The following CHIC1 variants were observed in gnomAD, a reference collection of about 807,000 sequenced individuals.
CHIC1 encodes the protein cysteine-rich hydrophobic domain-containing protein 1.
CHIC1 carries 7 observed loss-of-function variants against 18.5 expected under a neutral mutation model. The ratio of observed to expected loss-of-function variants is 0.38; its 90% confidence interval spans 0.22 to 0.71. The LOEUF (loss-of-function observed/expected upper bound fraction) is 0.71. Among genes scored for constraint, CHIC1 ranks in the 30% least tolerant of loss-of-function variants. CHIC1 has a pLI of 0.49. For missense variants in CHIC1, 159 were observed against 176.9 expected, an observed-to-expected ratio of 0.90 and a Z score of 0.57; for synonymous variants, 77 against 73.5, an observed-to-expected ratio of 1.05 and a Z score of -0.25.
intron 3 of CHIC1, among the ~76,000 whole-genome samples, chrX:73,659,738 T>C (rs748323799): frequency 2.7e-5 from 3 of 111,501 alleles, no homozygotes; most frequent in Non-Finnish European, 3.8e-5. Flanking sequence ...ATCAGTGTGA[T>C]TATGAAAAAA....
At chrX:73,575,040 C>T (rs745586450) in intron 1 of CHIC1, among the ~76,000 whole-genome samples, 3 of 109,622 alleles carry the variant, frequency 2.7e-5, no homozygotes, top group South Asian at 3.8e-4. Context: ...CAACCAAGTG[C>T]GATAAATCAG....
intron 3 of CHIC1, among the ~76,000 whole-genome samples, chrX:73,599,188 T>G (rs1167742607): frequency 9.0e-6 from 1 of 110,908 alleles, no homozygotes; most frequent in African/African-American, 3.3e-5. Context: ...TGTTTGTTTT[T>G]TTCTTGTAAA....
chrX:73,658,337 G>A (rs1325164035), intron 3 of CHIC1, among the ~76,000 whole-genome samples: 1 of 89,512 alleles, frequency 1.1e-5, no homozygotes, highest in Non-Finnish European at 2.1e-5. Flanking sequence ...GTCTATTCAG[G>A]GATTCACTTT....
At chrX:73,661,282 C>T (rs1270081037) in intron 3 of CHIC1, among the ~76,000 whole-genome samples, 1 of 112,378 alleles carries the variant, frequency 8.9e-6, no homozygotes, top group Non-Finnish European at 1.9e-5. Flanking sequence ...TCAACAGATA[C>T]ATGAACATAT....
chrX:73,597,031 A>G (rs952662120), intron 3 of CHIC1, among the ~76,000 whole-genome samples: 1 of 112,093 alleles, frequency 8.9e-6, no homozygotes, highest in African/African-American at 3.2e-5. Context: ...GAAAAATGGG[A>G]TGTAACTAAA....
At chrX:73,579,923 A>G (rs2057518717) in intron 2 of CHIC1, among the ~76,000 whole-genome samples, 1 of 110,842 alleles carries the variant, frequency 9.0e-6, no homozygotes, top group African/African-American at 3.3e-5. Context: ...TAAGAACTTC[A>G]GTAAAAAACT....
chrX:73,608,224 A>T, intron 3 of CHIC1, among the ~76,000 whole-genome samples: 1 of 108,867 alleles, frequency 9.2e-6, no homozygotes, highest in East Asian at 2.8e-4. Context: ...TTGAGACTTT[A>T]CTTCTAGGCT....
chrX:73,677,912 A>C (rs2058076948), intron 3 of CHIC1, among the ~76,000 whole-genome samples: 2 of 110,753 alleles, frequency 1.8e-5, no homozygotes, highest in African/African-American at 6.6e-5. Context: ...ATCATTTTTA[A>C]TGCCTTTTTC....
chrX:73,620,542 G>C (rs1174044578), intron 3 of CHIC1, among the ~76,000 whole-genome samples: 1 of 111,584 alleles, frequency 9.0e-6, no homozygotes, highest in Non-Finnish European at 1.9e-5. Flanking sequence ...CCCACTTTTT[G>C]GTGGGGTTGT....
At position 73,658,248 on chromosome X, in the gene CHIC1, G is replaced by GTTTTTT. The variant is rs869309622; in HGVS notation, c.508-21052_508-21047dup. ...ATTCAGCTGTGAATCCTGGTCCTAGGTTTTTTTTTTTTTTTTTTTTTTTTT... is the reference window on the plus strand; with the variant it reads ...ATTCAGCTGTGAATCCTGGTCCTAGGTTTTTTTTTTTTTTTTTTTTTTTTTTTTTTT... On this transcript the variant is annotated intron_variant, in intron 3 of 5. Transcript: ENST00000373502. Among the ~76,000 whole-genome samples, 124 of 16,715 alleles carry GTTTTTT rather than the reference G, an allele frequency of 7.4e-3. 23 individuals are homozygous for GTTTTTT. Among genetic ancestry groups the GTTTTTT allele is most frequent in the Non-Finnish European group, 9.7e-3 (99 of 10,257 alleles). The allele number at this position is 16,715 out of a possible 115,157, so 14.5% of individuals were successfully genotyped here.
intron 3 of CHIC1, among the ~76,000 whole-genome samples, chrX:73,597,945 T>C (rs1277197882): frequency 1.8e-5 from 2 of 111,572 alleles, no homozygotes; most frequent in Non-Finnish European, 3.8e-5. Context: ...GCAAAGAACA[T>C]GAACTCATTC....
chrX:73,622,098 C>G (rs1377178997), intron 3 of CHIC1, among the ~76,000 whole-genome samples: 1 of 111,830 alleles, frequency 8.9e-6, no homozygotes, highest in African/African-American at 3.3e-5. Flanking sequence ...TTTGGTTTGC[C>G]AGTATTTTAT....
In CHIC1 at chrX:73,655,647, GTGTATATA is replaced by G. The variant is rs1212863627; in HGVS notation, c.508-23677_508-23670del. Reference sequence around the variant, plus strand: ...ATATATATATAGTGTGTGTGTGTGTGTGTATATATATATATATATATATACACACACCA... The same window carrying G: ...ATATATATATAGTGTGTGTGTGTGTGTATATATATATATATACACACACCA... On this transcript the variant is annotated intron_variant, in intron 3 of 5. Coordinates refer to ENST00000373502, the MANE Select transcript of CHIC1 (RefSeq NM_001039840.4). 0.018 allele frequency among the ~76,000 whole-genome samples: 607 copies of G among 34,501 alleles called. 24 individuals carry two copies. In the East Asian group the frequency reaches 0.26, roughly 15 times the overall value. The allele number at this position is 34,501 out of a possible 115,157, so 30.0% of individuals were successfully genotyped here.
intron 3 of CHIC1, among the ~76,000 whole-genome samples, chrX:73,597,050 C>T (rs1226229112): frequency 8.9e-6 from 1 of 111,734 alleles, no homozygotes; most frequent in Non-Finnish European, 1.9e-5. Context: ...AACTAAAGAG[C>T]TTCTGTACAC....
intron 3 of CHIC1, among the ~76,000 whole-genome samples, chrX:73,633,717 ACTCATT>A (rs1027337518): frequency 9.1e-6 from 1 of 109,684 alleles, no homozygotes; most frequent in Admixed American, 9.7e-5. Context: ...GGCTTTCTTT[ACTCATT>A]CTCATTTTTT....
At chrX:73,670,978 C>A (rs2058027224) in intron 3 of CHIC1, among the ~76,000 whole-genome samples, 1 of 111,722 alleles carries the variant, frequency 9.0e-6, no homozygotes. Context: ...GAATGTGTAT[C>A]CTGCAATTGT....
chrX:73,578,063 T>C lies in CHIC1; in HGVS notation c.351+602T>C, dbSNP rs987021999. ...GATTACTATAATTGATAATATTGTA[T>C]TATATACTGGAAATTTGCTGAGAGT... On this transcript the variant is annotated intron_variant, in intron 2 of 5. Transcript: ENST00000373502. 9.1e-5 allele frequency among the ~76,000 whole-genome samples: 10 copies of C among 109,974 alleles called. No individual in the cohort carries two copies. In the South Asian group the frequency reaches 3.8e-3, roughly 41 times the overall value.
intron 3 of CHIC1, among the ~76,000 whole-genome samples, chrX:73,651,439 GTC>G (rs1159252139): frequency 9.0e-6 from 1 of 111,087 alleles, no homozygotes; most frequent in Non-Finnish European, 1.9e-5. Flanking sequence ...AAGTCAAACT[GTC>G]TCTGTTTGCA....
In CHIC1 at chrX:73,677,993, T is replaced by C. The variant is rs542715048; in HGVS notation, c.508-1333T>C. ...ATTATTGTGTCCTTTTGGAGGTTGTTTTTTTTTTTTTTTTGTCCTTACATT... is the reference window on the plus strand; with the variant it reads ...ATTATTGTGTCCTTTTGGAGGTTGTCTTTTTTTTTTTTTTGTCCTTACATT... On this transcript the variant is annotated intron_variant, in intron 3 of 5. Transcript: ENST00000373502. Among the ~76,000 whole-genome samples the C allele has an allele frequency of 5.9e-3, 635 of 107,299 alleles. 8 individuals carry two copies. The highest frequency in any genetic ancestry group is 0.02 in the African/African-American group (596 of 29,660). 93.2% of individuals were successfully genotyped at this position (107,299 alleles called of 115,157 possible). A position where few individuals can be genotyped will look rare whatever the true frequency, so the allele number is the denominator to read the frequency against.
Sources: allele counts gnomAD v4.1 joint callset (sites outside exome capture counted in the v4.1 genomes callset), GRCh38; gene constraint gnomAD v4.1.1; transcripts MANE v1.5; gene names NCBI Gene and HGNC (gene_info 2026-07-23, HGNC 2026-07-21).